NMD3: variants seen among roughly 807,000 people sequenced by gnomAD.
NMD3 encodes the protein NMD3 ribosome export adaptor.
NMD3 carries 47 observed loss-of-function variants against 73.1 expected under a neutral mutation model. The observed-to-expected ratio is 0.64, with a 90% CI of 0.51 to 0.82. The LOEUF is 0.82. Among genes scored for constraint, NMD3 ranks in the 40% least tolerant of loss-of-function variants. NMD3 has a pLI of 0.00. For missense variants in NMD3, 554 were observed against 612.5 expected, an observed-to-expected ratio of 0.90 and a Z score of 1.01; for synonymous variants, 210 against 194.5, an observed-to-expected ratio of 1.08 and a Z score of -0.66.
At chr3:161,223,756 T>C (rs1209452976) in intron 2 of NMD3, among the ~76,000 whole-genome samples, 3 of 152,228 alleles carry the variant, frequency 2.0e-5, no homozygotes, top group Non-Finnish European at 4.4e-5. Flanking sequence ...GACAAACTGA[T>C]CTTACATATT....
chr3:161,240,525 G>GGTTTTTTTT (rs1576853312), intron 9 of NMD3, among the ~76,000 whole-genome samples: 1 of 60,672 alleles, frequency 1.6e-5, no homozygotes, highest in Non-Finnish European at 2.7e-5. Flanking sequence ...TTGGGCCCTG[G>GGTTTTTTTT]ATTTTTTTTT....
At chr3:161,248,117 A>G (rs953451234) in intron 13 of NMD3, among the ~76,000 whole-genome samples, 1 of 151,972 alleles carries the variant, frequency 6.6e-6, no homozygotes, top group Admixed American at 6.6e-5. Flanking sequence ...GGTGGGGTAA[A>G]TCCAAGATTT....
chr3:161,224,912 A>T lies in NMD3; in HGVS notation c.45-18A>T. On this transcript the variant is annotated intron_variant, in intron 2 of 15. Transcript: ENST00000351193. ...TTTAAAAATCTAATGTGAAAAATTT[A>T]TCCTTTATTTATTAAAGCTTGTGCT... The T allele has an allele frequency of 6.4e-7, 1 of 1,557,726 alleles. No homozygotes were observed.
At chr3:161,250,576 T>A (rs1737443675) in intron 15 of NMD3, among the ~76,000 whole-genome samples, 1 of 152,168 alleles carries the variant, frequency 6.6e-6, no homozygotes, top group Non-Finnish European at 1.5e-5. Flanking sequence ...CCTATAGTGG[T>A]GGAAGTATAT....
chr3:161,237,432 G>A, intron 7 of NMD3, among the ~76,000 whole-genome samples: 1 of 149,180 alleles, frequency 6.7e-6, no homozygotes. Context: ...GTTAATATTT[G>A]TTAATTTTTT....
At chr3:161,235,039 C>A in intron 6 of NMD3, 83 bp from the exon 7 acceptor site, 1 of 865,642 alleles carries the variant, frequency 1.2e-6, no homozygotes, top group Non-Finnish European at 1.8e-6. Flanking sequence ...TCAGTATGCT[C>A]TATCTGTAGA....
chr3:161,250,806 A>G lies in NMD3; in HGVS notation c.1408A>G (p.Thr470Ala), dbSNP rs1737455432. The G allele has an allele frequency of 6.2e-7, 1 of 1,610,734 alleles. No homozygotes were observed. Among genetic ancestry groups the G allele is most frequent in the Non-Finnish European group, 8.5e-7 (1 of 1,177,496 alleles). ...RDSAIPVESD[T>A]DDEGAPRISL... ...TTCAGCCATCCCTGTGGAAAGTGACACCGATGATGAAGGAGCACCTCGAAT... is the reference window on the plus strand; with the variant it reads ...TTCAGCCATCCCTGTGGAAAGTGACGCCGATGATGAAGGAGCACCTCGAAT... The change falls in exon 16 of 16, where the codon ACC becomes GCC. Residue 470 changes from threonine to alanine, a missense_variant. Transcript: ENST00000351193.
intron 2 of NMD3, among the ~76,000 whole-genome samples, chr3:161,222,330 A>G (rs1736136273): frequency 2.0e-5 from 3 of 151,856 alleles, no homozygotes; most frequent in Admixed American, 2.0e-4. Context: ...ACGTGTGGCT[A>G]TTTAAATTTA....
intron 4 of NMD3, among the ~76,000 whole-genome samples, chr3:161,231,730 C>A (rs1332293579): frequency 1.3e-5 from 2 of 151,956 alleles, no homozygotes; most frequent in African/African-American, 2.4e-5. Context: ...TCAGTTATCA[C>A]TTTATATAGC....
At chr3:161,247,154 T>C (rs1301325518) in intron 12 of NMD3, 104 bp from the exon 13 acceptor site, 1 of 673,616 alleles carries the variant, frequency 1.5e-6, no homozygotes, top group Non-Finnish European at 2.7e-6. Context: ...GTGAGAAGCA[T>C]ATTAAATGTT....
At position 161,252,192 on chromosome 3, in the gene NMD3, A is replaced by G. The variant is rs1321261713; in HGVS notation, c.*1282A>G. The G allele has an allele frequency of 1.3e-5, 2 of 152,146 alleles. No individual in the cohort carries two copies. The highest frequency in any genetic ancestry group is 2.9e-5 in the Non-Finnish European group (2 of 68,026). The allele number at this position is 152,146 out of a possible 1,614,324, so 9.4% of individuals were successfully genotyped here. A position where few individuals can be genotyped will look rare whatever the true frequency, so the allele number is the denominator to read the frequency against. On this transcript the variant is annotated 3_prime_UTR_variant, in exon 16 of 16. Transcript: ENST00000351193. ...AGGAATGGCTTGTCCTAGTTCTTCA[A>G]AGGTAAGATTGACCAAAGCAAGTTC...
At chr3:161,250,724 A>G (rs906289938) in intron 15 of NMD3, 56 bp from the exon 16 acceptor site, 1 of 1,044,700 alleles carries the variant, frequency 9.6e-7, no homozygotes, top group African/African-American at 1.6e-5. Flanking sequence ...TATATTTAAT[A>G]CTTTGTATAC....
rs760086817 is a variant in NMD3 at position 161,224,902 on chromosome 3, T to A, written c.45-28T>A. 15 of 1,552,734 alleles carry A rather than the reference T, an allele frequency of 9.7e-6. No individual in the cohort carries two copies. The African/African-American group carries it at 2.1e-4, about 22-fold the overall frequency. On this transcript the variant is annotated intron_variant, in intron 2 of 15. Transcript: ENST00000351193. ...TTTAGTGTATTTTAAAAATCTAATG[T>A]GAAAAATTTATCCTTTATTTATTAA...
intron 2 of NMD3, 67 bp from the exon 3 acceptor site, chr3:161,224,863 C>A: frequency 1.4e-6 from 2 of 1,445,202 alleles, no homozygotes; most frequent in Non-Finnish European, 1.9e-6. Flanking sequence ...GTTTGTTTGG[C>A]ATCTAAAAAA....
chr3:161,230,494 T>TA (rs1216810281), intron 4 of NMD3, among the ~76,000 whole-genome samples: 4 of 152,166 alleles, frequency 2.6e-5, no homozygotes, highest in Non-Finnish European at 5.9e-5. Flanking sequence ...CTGGGAGTGT[T>TA]AGAGTACGGA....
intron 2 of NMD3, 130 bp from the exon 3 acceptor site, chr3:161,224,799 TC>T (rs1736242966): frequency 1.1e-6 from 1 of 908,750 alleles, no homozygotes; most frequent in African/African-American, 1.7e-5. Context: ...TTGCTTTGTT[TC>T]TGTTATTTTT....
intron 13 of NMD3, 123 bp downstream of exon 13, chr3:161,247,453 C>A: frequency 7.2e-6 from 4 of 556,758 alleles, no homozygotes; most frequent in African/African-American, 1.9e-5. Flanking sequence ...TCTGAAACTG[C>A]AGATAAGGTA....
At chr3:161,240,974 G>T (rs1163531866) in intron 9 of NMD3, 72 bp from the exon 10 acceptor site, 1 of 840,924 alleles carries the variant, frequency 1.2e-6, no homozygotes, top group Admixed American at 2.2e-5. Flanking sequence ...TGGATTGGGT[G>T]TTTATTGATG....
intron 4 of NMD3, among the ~76,000 whole-genome samples, 180 bp downstream of exon 4, chr3:161,227,523 C>G (rs1238235763): frequency 1.4e-5 from 2 of 144,256 alleles, no homozygotes; most frequent in African/African-American, 5.1e-5. Context: ...TCTCGGCTCA[C>G]TGCAACCTCT....
Sources: allele counts gnomAD v4.1 joint callset (sites outside exome capture counted in the v4.1 genomes callset), GRCh38; gene constraint gnomAD v4.1.1; transcripts MANE v1.5; gene names NCBI Gene and HGNC (gene_info 2026-07-23, HGNC 2026-07-21).